SHANK2: variants seen among roughly 807,000 people sequenced by gnomAD.
The protein encoded by SHANK2 is SH3 and multiple ankyrin repeat domains 2.
In SHANK2, 43 loss-of-function variants were observed where a neutral mutation model predicts 133.7. The ratio of observed to expected loss-of-function variants is 0.32; its 90% CI spans 0.25 to 0.41. SHANK2 has a LOEUF of 0.41. Ranked by LOEUF, SHANK2 falls within the 10% of genes least tolerant of loss-of-function variation. SHANK2 has a pLI of 1.00. For missense variants in SHANK2, 1,994 were observed against 2,235.8 expected (o/e 0.89, Z 2.18); for synonymous variants, 1,017 against 952.8 (o/e 1.07, Z -1.24).
At chr11:71,159,474 T>C (rs573476386) in intron 2 of SHANK2, among the ~76,000 whole-genome samples, 94 of 152,310 alleles carry the variant, frequency 6.2e-4, no homozygotes, top group Non-Finnish European at 1.2e-3. Flanking sequence ...CCTTTTGCCA[T>C]ATGAGGTCAC....
At chr11:70,641,487 C>T (rs1447750908) in intron 17 of SHANK2, among the ~76,000 whole-genome samples, 3 of 152,204 alleles carry the variant, frequency 2.0e-5, no homozygotes, top group African/African-American at 7.2e-5. Context: ...TGCTCTCCTT[C>T]CAGAGGCACA....
At chr11:70,907,735 G>C in intron 10 of SHANK2, 1 of 292,242 alleles carries the variant, frequency 3.4e-6, no homozygotes, top group Non-Finnish European at 7.0e-6. Flanking sequence ...ATCTTTGACA[G>C]TTGCAGGATC....
chr11:70,882,301 C>T lies in SHANK2; in HGVS notation c.1174+14200G>A, dbSNP rs561588872. Among the ~76,000 whole-genome samples, 5 of 152,068 alleles carry T rather than the reference C, an allele frequency of 3.3e-5. No individual in the cohort carries two copies. The highest frequency in any genetic ancestry group is 3.3e-4 in the Admixed American group (5 of 15,256). On this transcript the variant is annotated intron_variant, in intron 11 of 25. Transcript: ENST00000601538. The surrounding 1 kb of genome is among the most constrained non-coding windows in gnomAD (Gnocchi z 4.2). ...AGGCCTGGTGAGCTCCGGGGTGGGA[C>T]GGGAGAGGGGCCACTGCAGTGTGGA...
chr11:71,084,377 G>A (rs1951349326), intron 8 of SHANK2, among the ~76,000 whole-genome samples: 1 of 152,194 alleles, frequency 6.6e-6, no homozygotes, highest in African/African-American at 2.4e-5. Context: ...GAAGTGGAGG[G>A]TGGATCTGAA....
rs782383650 is a variant in SHANK2 at position 71,194,166 on chromosome 11, C to T, written c.-13+30531G>A. ...CAGGATGGGGTGGACAGCAGGTATTCGGGTAACCCAGGGAAAGTTTTGTGT... is the reference window on the plus strand; with the variant it reads ...CAGGATGGGGTGGACAGCAGGTATTTGGGTAACCCAGGGAAAGTTTTGTGT... On this transcript the variant is annotated intron_variant, in intron 2 of 25. Transcript: ENST00000601538. 1.2e-4 allele frequency among the ~76,000 whole-genome samples: 18 copies of T among 152,210 alleles called. No homozygotes were observed. The East Asian group carries it at 3.3e-3, about 28-fold the overall frequency.
chr11:70,528,220 G>C (rs2059423541), intron 17 of SHANK2, among the ~76,000 whole-genome samples: 1 of 152,248 alleles, frequency 6.6e-6, no homozygotes, highest in Non-Finnish European at 1.5e-5. Flanking sequence ...CGTCCCTGAG[G>C]TCTGAGGGTC....
intron 16 of SHANK2, among the ~76,000 whole-genome samples, chr11:70,661,344 T>C (rs2134272204): frequency 6.6e-6 from 1 of 152,268 alleles, no homozygotes; most frequent in East Asian, 1.9e-4. Context: ...CAACATCATC[T>C]ACAGAAAATT....
chr11:70,885,253 T>C (rs1217706480), intron 11 of SHANK2, among the ~76,000 whole-genome samples: 1 of 152,040 alleles, frequency 6.6e-6, no homozygotes, highest in Non-Finnish European at 1.5e-5. Flanking sequence ...GGAGACTCTC[T>C]GAGCTTCTGC....
chr11:70,881,431 G>A (rs1014631086), intron 11 of SHANK2, among the ~76,000 whole-genome samples: 1 of 151,922 alleles, frequency 6.6e-6, no homozygotes, highest in South Asian at 2.1e-4. Flanking sequence ...AATGGCTAAT[G>A]GGGTTGGTTA....
intron 14 of SHANK2, among the ~76,000 whole-genome samples, chr11:70,756,102 C>G (rs934028295): frequency 1.5e-4 from 23 of 152,088 alleles, no homozygotes; most frequent in African/African-American, 5.3e-4. Flanking sequence ...TTCAGGGTGA[C>G]AGCTGCAGCC....
At chr11:70,721,294 T>C (rs1946071036) in intron 14 of SHANK2, among the ~76,000 whole-genome samples, 2 of 152,260 alleles carry the variant, frequency 1.3e-5, no homozygotes, top group African/African-American at 4.8e-5. Context: ...GGGCACACTC[T>C]GAGGCTTCCT....
At chr11:70,906,448 C>A (rs1950105455) in intron 10 of SHANK2, among the ~76,000 whole-genome samples, 1 of 152,206 alleles carries the variant, frequency 6.6e-6, no homozygotes, top group Admixed American at 6.5e-5. Context: ...GCTCAACAAG[C>A]TCCTGGGATC....
chr11:70,721,307 G>A (rs1233717350), intron 14 of SHANK2, among the ~76,000 whole-genome samples: 4 of 152,220 alleles, frequency 2.6e-5, no homozygotes, highest in African/African-American at 4.8e-5. Flanking sequence ...GGCTTCCTCC[G>A]CAGTGTCTCA....
At chr11:70,565,245 A>ATCCG (rs1233029783) in intron 17 of SHANK2, among the ~76,000 whole-genome samples, 6 of 151,484 alleles carry the variant, frequency 4.0e-5, no homozygotes, top group African/African-American at 1.2e-4. Flanking sequence ...CCATCCATCC[A>ATCCG]TCCATTTATT....
chr11:70,614,242 C>T (rs1226546251), intron 17 of SHANK2, among the ~76,000 whole-genome samples: 1 of 152,088 alleles, frequency 6.6e-6, no homozygotes, highest in Non-Finnish European at 1.5e-5. Flanking sequence ...CCTGCTGACA[C>T]CCTGACCTTT....
intron 17 of SHANK2, among the ~76,000 whole-genome samples, chr11:70,550,579 A>G (rs1591568214): frequency 1.3e-5 from 2 of 152,316 alleles, no homozygotes; most frequent in East Asian, 3.9e-4. Flanking sequence ...GTTCAGGAGG[A>G]AAGACCACAT....
At chr11:70,948,326 T>G (rs1320266614) in intron 10 of SHANK2, 2 of 457,208 alleles carry the variant, frequency 4.4e-6, no homozygotes, top group Admixed American at 2.3e-5. Flanking sequence ...GAGAGCAGAG[T>G]GTGGTGTGGC....
intron 14 of SHANK2, among the ~76,000 whole-genome samples, chr11:70,732,194 C>A (rs1406035580): frequency 6.6e-6 from 1 of 152,184 alleles, no homozygotes; most frequent in Non-Finnish European, 1.5e-5. Context: ...CGTAACATCA[C>A]CCCATCTCTG....
intron 17 of SHANK2, among the ~76,000 whole-genome samples, chr11:70,651,324 C>T (rs1315703089): frequency 6.6e-6 from 1 of 152,196 alleles, no homozygotes; most frequent in Non-Finnish European, 1.5e-5. Context: ...TGCCGAGCTG[C>T]CCGCATCCAC....
Sources: allele counts gnomAD v4.1 joint callset (sites outside exome capture counted in the v4.1 genomes callset), GRCh38; gene constraint gnomAD v4.1.1; non-coding constraint Gnocchi (gnomAD v3.1); transcripts MANE v1.5; gene names NCBI Gene and HGNC (gene_info 2026-07-23, HGNC 2026-07-21).